DAB1: variants seen among roughly 807,000 people sequenced by gnomAD.
The protein encoded by DAB1 is disabled homolog 1.
A neutral mutation model predicts 64.6 loss-of-function variants in DAB1; 15 were observed. The ratio of observed to expected loss-of-function variants is 0.23; its 90% confidence interval spans 0.16 to 0.36. The LOEUF (loss-of-function observed/expected upper bound fraction) is 0.36. DAB1 is among the 10% of genes least tolerant of loss of function. The probability of loss-of-function intolerance (pLI) is 1.00; values close to 1 mark genes in which losing one functional copy is unlikely to be tolerated. For synonymous variants in DAB1, 235 were observed against 251.9 expected, an observed-to-expected ratio of 0.93 and a Z score of 0.64; for missense variants, 596 against 706.7, an observed-to-expected ratio of 0.84 and a Z score of 1.78.
intron 9 of DAB1, among the ~76,000 whole-genome samples, chr1:57,054,625 C>A (rs2100540541): frequency 6.6e-6 from 1 of 151,852 alleles, no homozygotes; most frequent in African/African-American, 2.4e-5. Flanking sequence ...CTGCAGGTAC[C>A]CGCCACCACG....
At chr1:57,225,173 A>G (rs570443713) in intron 2 of DAB1, among the ~76,000 whole-genome samples, 1 of 152,306 alleles carries the variant, frequency 6.6e-6, no homozygotes, top group East Asian at 1.9e-4. Context: ...TCTGTGAGTC[A>G]TTCCAGGGAA....
intron 5 of DAB1, among the ~76,000 whole-genome samples, chr1:58,097,321 T>C (rs1651046192): frequency 6.6e-6 from 1 of 152,196 alleles, no homozygotes; most frequent in African/African-American, 2.4e-5. Flanking sequence ...TCTTACACAC[T>C]GTACTGACTG....
rs145193694 is a variant in DAB1, at chr1:57,660,473, G to C, written n.552-10808C>G. Among the ~76,000 whole-genome samples the C allele has an allele frequency of 4.5e-4, 68 of 152,300 alleles. No individual in the cohort carries two copies. In the East Asian group the frequency reaches 0.011, roughly 25 times the overall value. On this transcript the variant is annotated intron_variant and non_coding_transcript_variant, in intron 6 of 20. Coordinates refer to the DAB1 transcript ENST00000485760. ...TACCAAGGGTAGTGGGCCCTGTGTTGTAAACCTTTTGTATACCATTCACAC... is the reference window on the plus strand; with the variant it reads ...TACCAAGGGTAGTGGGCCCTGTGTTCTAAACCTTTTGTATACCATTCACAC...
intron 1 of DAB1, among the ~76,000 whole-genome samples, chr1:57,870,988 A>AT (rs1448566427): frequency 3.3e-5 from 5 of 152,194 alleles, no homozygotes; most frequent in Non-Finnish European, 4.4e-5. Flanking sequence ...CCAAAACAGT[A>AT]AACCATTCAA....
chr1:58,355,421 G>A (rs1167660823), intron 3 of DAB1, among the ~76,000 whole-genome samples: 1 of 152,208 alleles, frequency 6.6e-6, no homozygotes, highest in Non-Finnish European at 1.5e-5. Context: ...ATGGGATGCA[G>A]CCATGGAAGA....
chr1:57,369,676 C>T (rs1465579214), intron 1 of DAB1, among the ~76,000 whole-genome samples: 1 of 152,168 alleles, frequency 6.6e-6, no homozygotes, highest in African/African-American at 2.4e-5. Context: ...TGAGCTTGGA[C>T]TCTGGATTCA....
chr1:57,353,382 CT>C (rs1678776620), intron 1 of DAB1, among the ~76,000 whole-genome samples: 1 of 152,056 alleles, frequency 6.6e-6, no homozygotes, highest in South Asian at 2.1e-4. Flanking sequence ...TTTTCCATTC[CT>C]TGTTAGTCCA....
Position 57,946,384 on chromosome 1 carries a change from T to C in DAB1, n.388-62222A>G, listed in dbSNP as rs12045021. ...TGGTGCCCAAACCCCTGACTGCTTGTTATTCCACAAATTCTCATGGCCACA... is the reference window on the plus strand; with the variant it reads ...TGGTGCCCAAACCCCTGACTGCTTGCTATTCCACAAATTCTCATGGCCACA... On this transcript the variant is annotated intron_variant and non_coding_transcript_variant, in intron 5 of 20. Transcript: ENST00000485760. Among the ~76,000 whole-genome samples, 6 of 152,316 alleles carry C rather than the reference T, an allele frequency of 3.9e-5. No homozygotes were observed. In the East Asian group the frequency reaches 1.2e-3, roughly 29 times the overall value.
chr1:57,968,121 T>C (rs1221327758), intron 5 of DAB1, among the ~76,000 whole-genome samples: 1 of 152,046 alleles, frequency 6.6e-6, no homozygotes, highest in Admixed American at 6.6e-5. Flanking sequence ...TGTGTGAATC[T>C]TTAACAACAG....
chr1:57,198,022 A>G lies in DAB1; in HGVS notation c.68-52593T>C, dbSNP rs61765561. Among the ~76,000 whole-genome samples the G allele has an allele frequency of 8.3e-3, 1,271 of 152,354 alleles. 33 individuals are homozygous for G. The East Asian group carries it at 0.092, about 11-fold the overall frequency. On this transcript the variant is annotated intron_variant, in intron 2 of 14. Coordinates refer to ENST00000371236, the MANE Select transcript of DAB1 (RefSeq NM_001365792.1). ...ATAAGAAACCCTCTTTGCACATAAA[A>G]TAATGAGAATATATACATATAATAA...
intron 1 of DAB1, chr1:57,876,437 C>T (rs1446888909): frequency 2.0e-5 from 3 of 152,218 alleles, no homozygotes; most frequent in African/African-American, 7.2e-5. Flanking sequence ...GTACCTGGCA[C>T]ACATATGTGT....
At chr1:58,437,928 A>T (rs1293160808) in intron 3 of DAB1, among the ~76,000 whole-genome samples, 1 of 152,174 alleles carries the variant, frequency 6.6e-6, no homozygotes. Context: ...TATTTGACTC[A>T]TGCAGGGGGA....
Position 57,549,905 on chromosome 1 carries a change from A to G in DAB1, n.625+99687T>C, listed in dbSNP as rs557626831. On this transcript the variant is annotated intron_variant and non_coding_transcript_variant, in intron 7 of 20. Coordinates refer to the DAB1 transcript ENST00000485760. Reference sequence around the variant, plus strand: ...ACAAAACACAACACAAAAACCAGTAAGAGTTCTACAGGCATTAGGAGGTGG... The same window carrying G: ...ACAAAACACAACACAAAAACCAGTAGGAGTTCTACAGGCATTAGGAGGTGG... Among the ~76,000 whole-genome samples, 230 of 152,334 alleles carry G rather than the reference A, an allele frequency of 1.5e-3. 1 individual carries two copies. The highest frequency in any genetic ancestry group is 0.014 in the Admixed American group (219 of 15,294).
intron 1 of DAB1, among the ~76,000 whole-genome samples, chr1:57,846,044 C>A (rs1490292215): frequency 6.6e-6 from 1 of 152,134 alleles, no homozygotes; most frequent in Non-Finnish European, 1.5e-5. Flanking sequence ...TGCCACTCTG[C>A]CCCAGAGACA....
intron 1 of DAB1, among the ~76,000 whole-genome samples, chr1:57,370,392 A>G (rs1680399434): frequency 6.6e-6 from 1 of 152,212 alleles, no homozygotes; most frequent in African/African-American, 2.4e-5. Context: ...AAAAATTTCA[A>G]CAGCACAGTT....
chr1:57,479,049 T>C (rs1412275462), intron 7 of DAB1, among the ~76,000 whole-genome samples: 1 of 152,158 alleles, frequency 6.6e-6, no homozygotes, highest in Non-Finnish European at 1.5e-5. Flanking sequence ...CTTGTTATTT[T>C]AATCCTGTGA....
chr1:57,396,127 G>GA (rs1225471198), intron 1 of DAB1, among the ~76,000 whole-genome samples: 1 of 152,232 alleles, frequency 6.6e-6, no homozygotes. Flanking sequence ...TGTTGATTCA[G>GA]AAAATGCCAG....
intron 4 of DAB1, among the ~76,000 whole-genome samples, chr1:58,209,361 T>C (rs1427730929): frequency 6.6e-6 from 1 of 152,196 alleles, no homozygotes; most frequent in East Asian, 1.9e-4. Flanking sequence ...AGCTGAGAAC[T>C]AACACTACTG....
intron 7 of DAB1, among the ~76,000 whole-genome samples, chr1:57,546,108 T>C (rs1345761676): frequency 2.1e-5 from 3 of 146,054 alleles, no homozygotes; most frequent in East Asian, 2.0e-4. Context: ...TGCGCGCACG[T>C]GTGCATGTTT....
Sources: allele counts gnomAD v4.1 joint callset (sites outside exome capture counted in the v4.1 genomes callset), GRCh38; gene constraint gnomAD v4.1.1; transcripts MANE v1.5; gene names NCBI Gene and HGNC (gene_info 2026-07-23, HGNC 2026-07-21).